ACYP2: variants seen among roughly 807,000 people sequenced by gnomAD.
The protein encoded by ACYP2 is acylphosphatase 2, also known as acylphosphatase-2.
A neutral mutation model predicts 11.2 loss-of-function variants in ACYP2; 12 were observed. The ratio of observed to expected loss-of-function variants is 1.08; its 90% confidence interval spans 0.69 to 1.74. The LOEUF is 1.74. ACYP2 is among the 40% of genes most tolerant of loss of function. ACYP2 has a pLI of 0.00. For missense variants in ACYP2, 134 were observed against 101.9 expected (o/e 1.31, Z -1.35); for synonymous variants, 43 against 32.2 (o/e 1.33, Z -1.13).
At chr2:54,010,979 C>G (rs879424440) in intron 2 of ACYP2, among the ~76,000 whole-genome samples, 3 of 152,048 alleles carry the variant, frequency 2.0e-5, no homozygotes, top group East Asian at 1.9e-4. Context: ...CCTCCCTCCA[C>G]TTTGGACTGC....
At chr2:54,255,671 G>T in intron 6 of ACYP2, 1 of 1,613,696 alleles carries the variant, frequency 6.2e-7, no homozygotes. Flanking sequence ...TCATCCACTG[G>T]GGCTGAGAAC....
chr2:53,978,226 C>T (rs530295128), intron 2 of ACYP2, among the ~76,000 whole-genome samples: 52 of 149,850 alleles, frequency 3.5e-4, no homozygotes, highest in African/African-American at 1.2e-3. Context: ...CGTGCCACTG[C>T]ACTCCAGCCT....
chr2:54,058,952 C>T (rs778794190), intron 4 of ACYP2, among the ~76,000 whole-genome samples: 36 of 152,092 alleles, frequency 2.4e-4, no homozygotes, highest in Non-Finnish European at 4.9e-4. Context: ...TGGGTTATCT[C>T]ATGGCTAGCA....
At chr2:54,168,462 A>G (rs1683097065) in intron 6 of ACYP2, among the ~76,000 whole-genome samples, 1 of 152,032 alleles carries the variant, frequency 6.6e-6, no homozygotes, top group African/African-American at 2.4e-5. Flanking sequence ...GAATAAAATA[A>G]AATAATAAAA....
chr2:54,076,253 C>G (rs1003075150), intron 4 of ACYP2, among the ~76,000 whole-genome samples: 2 of 152,078 alleles, frequency 1.3e-5, no homozygotes, highest in African/African-American at 4.8e-5. Flanking sequence ...GAGAAAATGG[C>G]GGGGGAAGTC....
At chr2:54,244,258 G>A (rs1013617159) in intron 6 of ACYP2, among the ~76,000 whole-genome samples, 2 of 152,118 alleles carry the variant, frequency 1.3e-5, no homozygotes, top group African/African-American at 4.8e-5. Context: ...CTGGAGTGCA[G>A]TGGTGCAATC....
At chr2:54,113,520 A>G (rs1247148152) in intron 4 of ACYP2, among the ~76,000 whole-genome samples, 1 of 152,114 alleles carries the variant, frequency 6.6e-6, no homozygotes, top group African/African-American at 2.4e-5. Flanking sequence ...TGTTGGGATT[A>G]CAGGTGTGAG....
At chr2:54,216,512 C>CT (rs1305963758) in intron 6 of ACYP2, among the ~76,000 whole-genome samples, 138 of 144,736 alleles carry the variant, frequency 9.5e-4, no homozygotes, top group Middle Eastern at 3.5e-3. Context: ...ATTGATGAAT[C>CT]TTTTTTTTTT....
chr2:54,014,219 G>A (rs932358770), intron 2 of ACYP2, among the ~76,000 whole-genome samples: 10 of 151,962 alleles, frequency 6.6e-5, no homozygotes, highest in African/African-American at 2.4e-4. Context: ...GTTGGGGAAT[G>A]CAAACCTTTC....
At chr2:54,022,501 C>A (rs950941064) in intron 2 of ACYP2, among the ~76,000 whole-genome samples, 2 of 152,202 alleles carry the variant, frequency 1.3e-5, no homozygotes, top group East Asian at 3.9e-4. Flanking sequence ...CCTCCCTCAG[C>A]CTTCTGAGTA....
chr2:54,118,869 C>T (rs1193922532), intron 4 of ACYP2, among the ~76,000 whole-genome samples: 1 of 152,068 alleles, frequency 6.6e-6, no homozygotes, highest in Non-Finnish European at 1.5e-5. Context: ...TTGACATTCC[C>T]TGACAATTTA....
intron 5 of ACYP2, among the ~76,000 whole-genome samples, chr2:54,137,483 T>C (rs1379463775): frequency 6.6e-6 from 1 of 152,152 alleles, no homozygotes; most frequent in Non-Finnish European, 1.5e-5. Flanking sequence ...CCTCTCTGTG[T>C]CCATGTATTC....
chr2:54,141,807 G>C (rs372670834), intron 6 of ACYP2: 153 of 480,898 alleles, frequency 3.2e-4, no homozygotes, highest in Middle Eastern at 2.3e-3. Flanking sequence ...ACATGATTGT[G>C]TCACACATAT....
intron 2 of ACYP2, among the ~76,000 whole-genome samples, chr2:54,050,546 T>C (rs1675791379): frequency 8.4e-6 from 1 of 118,948 alleles, no homozygotes; most frequent in Non-Finnish European, 1.7e-5. Flanking sequence ...ACCCCATCCC[T>C]GAAAAAAAAA....
chr2:54,147,816 C>T (rs1257492659), intron 6 of ACYP2, among the ~76,000 whole-genome samples: 1 of 152,192 alleles, frequency 6.6e-6, no homozygotes, highest in East Asian at 1.9e-4. Context: ...TGAGTTACCA[C>T]ACCTGGCCCC....
chr2:54,056,627 G>A (rs115354106), intron 3 of ACYP2, among the ~76,000 whole-genome samples: 2,103 of 152,136 alleles, frequency 0.014, 54 homozygotes, highest in African/African-American at 0.048. Context: ...GACACATTCT[G>A]GATTTTCTAA....
intron 2 of ACYP2, among the ~76,000 whole-genome samples, chr2:53,996,362 G>T (rs2104523732): frequency 6.6e-6 from 1 of 152,190 alleles, no homozygotes; most frequent in South Asian, 2.1e-4. Flanking sequence ...AAAGGAGGAT[G>T]GAGGATTGGG....
At chr2:53,977,977 T>C (rs1292568206) in intron 2 of ACYP2, among the ~76,000 whole-genome samples, 1 of 151,292 alleles carries the variant, frequency 6.6e-6, no homozygotes, top group African/African-American at 2.4e-5. Flanking sequence ...GAAATAAACT[T>C]CTGGCTGGGC....
In ACYP2 at chr2:53,973,716, C is replaced by T; in HGVS notation, c.-33C>T. 2 of 298,874 alleles carry T rather than the reference C, an allele frequency of 6.7e-6. No individual in the cohort carries two copies. The highest frequency in any genetic ancestry group is 1.2e-5 in the Non-Finnish European group (2 of 163,212). The allele number at this position is 298,874 out of a possible 1,614,324, so 18.5% of individuals were successfully genotyped here. ...CCTTTGCTGACTCCTTTTTCAGACT[C>T]AGCCTGCCTGCACCCAGGTGAAATA... On this transcript the variant is annotated 5_prime_UTR_variant, in exon 2 of 7. Transcript: ENST00000607452.
Sources: gnomAD v4.1 joint callset for allele counts (sites outside exome capture counted in the v4.1 genomes callset) on GRCh38, gnomAD v4.1.1 for gene constraint, MANE v1.5 for transcripts, NCBI Gene and HGNC (gene_info 2026-07-23, HGNC 2026-07-21) for gene names.